The following WDPCP variants were observed in gnomAD, a reference collection of about 807,000 sequenced individuals.
WDPCP encodes the protein WD repeat containing planar cell polarity effector, also known as WD repeat-containing and planar cell polarity effector protein fritz homolog.
A neutral mutation model predicts 93.1 loss-of-function variants in WDPCP; 71 were observed. The ratio of observed to expected loss-of-function variants is 0.76; its 90% CI spans 0.63 to 0.93. The LOEUF (loss-of-function observed/expected upper bound fraction) is 0.93, where lower values mean the gene tolerates loss of function less well. WDPCP is among the 40% of genes least tolerant of loss of function. WDPCP has a pLI of 0.00. For synonymous variants in WDPCP, 315 were observed against 315.0 expected, an observed-to-expected ratio of 1.00 and a Z score of 0.00; for missense variants, 844 against 887.4, an observed-to-expected ratio of 0.95 and a Z score of 0.62.
chr2:63,672,970 C>A (rs1710362501), intron 2 of WDPCP, among the ~76,000 whole-genome samples: 1 of 152,092 alleles, frequency 6.6e-6, no homozygotes. Context: ...CCAGGTTGGT[C>A]TCTGACTCCT....
intron 1 of WDPCP, among the ~76,000 whole-genome samples, chr2:63,581,440 A>G (rs952918362): frequency 6.6e-6 from 1 of 152,204 alleles, no homozygotes; most frequent in African/African-American, 2.4e-5. Context: ...AGAAATGATT[A>G]CAGATAACAG....
intron 2 of WDPCP, among the ~76,000 whole-genome samples, chr2:63,661,124 A>G (rs113713541): frequency 3.5e-4 from 53 of 152,306 alleles, no homozygotes; most frequent in African/African-American, 1.1e-3. Flanking sequence ...ACAACACACA[A>G]TTATTATCTC....
At chr2:63,717,414 GT>G (rs1669354815) in intron 2 of WDPCP, 1 of 402,616 alleles carries the variant, frequency 2.5e-6, no homozygotes, top group Admixed American at 3.1e-5. Context: ...TAAGGTCATG[GT>G]ATCCCTGAAT....
chr2:63,650,669 G>A (rs1416164743), exon 3 of WDPCP: 1 of 152,182 alleles, frequency 6.6e-6, no homozygotes, highest in African/African-American at 2.4e-5. Context: ...TTCTTATAGT[G>A]ATCCTTGGGC....
At chr2:63,722,342 G>A (rs1218743337) in intron 2 of WDPCP, among the ~76,000 whole-genome samples, 8 of 149,348 alleles carry the variant, frequency 5.4e-5, no homozygotes, top group South Asian at 2.1e-4. Context: ...CTGCCCGGCC[G>A]CCCATCGTCT....
intron 17 of WDPCP, among the ~76,000 whole-genome samples, chr2:63,136,165 A>ACT (rs1172352574): frequency 1.3e-5 from 2 of 151,748 alleles, no homozygotes; most frequent in East Asian, 1.9e-4. Context: ...TACTTGAATT[A>ACT]CTCTCTCTCT....
intron 3 of WDPCP, chr2:63,594,610 T>C (rs1709267773): frequency 2.0e-6 from 3 of 1,491,644 alleles, no homozygotes; most frequent in Non-Finnish European, 2.8e-6. Context: ...TCTATAAATC[T>C]TAAGTTATTA....
chr2:63,607,484 C>T (rs892069374), intron 3 of WDPCP, among the ~76,000 whole-genome samples: 1 of 150,866 alleles, frequency 6.6e-6, no homozygotes, highest in East Asian at 2.0e-4. Flanking sequence ...TGCAGTGAGC[C>T]AAGATTGCGC....
At chr2:63,233,631 T>A (rs1200755591) in intron 14 of WDPCP, 1 of 153,976 alleles carries the variant, frequency 6.5e-6, no homozygotes, top group Non-Finnish European at 1.5e-5. Context: ...TTTTGGTATC[T>A]TCCTCTGAAT....
intron 1 of WDPCP, among the ~76,000 whole-genome samples, chr2:63,826,949 T>G (rs1262781715): frequency 6.6e-6 from 1 of 152,276 alleles, no homozygotes; most frequent in East Asian, 1.9e-4. Flanking sequence ...ACAAATCCAT[T>G]TGGTATTTAT....
intron 2 of WDPCP, among the ~76,000 whole-genome samples, chr2:63,758,777 T>C (rs976757920): frequency 4.6e-5 from 7 of 151,480 alleles, no homozygotes; most frequent in African/African-American, 1.7e-4. Flanking sequence ...CAGATTCTTT[T>C]TTTTTATTTT....
intron 2 of WDPCP, among the ~76,000 whole-genome samples, chr2:63,703,135 G>A (rs1262319931): frequency 6.6e-6 from 1 of 152,040 alleles, no homozygotes; most frequent in African/African-American, 2.4e-5. Flanking sequence ...TGGACATTTG[G>A]GTTGGTTCCA....
intron 6 of WDPCP, among the ~76,000 whole-genome samples, chr2:63,458,025 G>A (rs1698749494): frequency 6.6e-6 from 1 of 151,528 alleles, no homozygotes; most frequent in Non-Finnish European, 1.5e-5. Flanking sequence ...TTGGGAGGCT[G>A]AGGCAGGAGA....
intron 13 of WDPCP, among the ~76,000 whole-genome samples, chr2:63,282,100 C>T (rs1683602254): frequency 2.0e-5 from 3 of 152,018 alleles, no homozygotes; most frequent in Admixed American, 2.0e-4. Flanking sequence ...ATTATAGAAC[C>T]ACAAACAACT....
intron 10 of WDPCP, among the ~76,000 whole-genome samples, chr2:63,401,424 T>C (rs1694143546): frequency 6.6e-6 from 1 of 152,102 alleles, no homozygotes; most frequent in Non-Finnish European, 1.5e-5. Context: ...ATTAGAGAAA[T>C]GCAAATCAAA....
chr2:63,776,060 C>A (rs1485393135), intron 2 of WDPCP, among the ~76,000 whole-genome samples: 2 of 148,930 alleles, frequency 1.3e-5, no homozygotes, highest in Non-Finnish European at 3.0e-5. Flanking sequence ...TGAGACTCTG[C>A]CTATAAATAC....
rs1171698107 is a variant in WDPCP, at chr2:63,387,950, AAC to A, written c.1436-5858_1436-5857del. Among the ~76,000 whole-genome samples, 4 of 152,262 alleles carry A rather than the reference AAC, an allele frequency of 2.6e-5. No homozygotes were observed. In the East Asian group the frequency reaches 5.8e-4, roughly 22 times the overall value. On this transcript the variant is annotated intron_variant, in intron 10 of 17. Coordinates refer to ENST00000272321, the MANE Select transcript of WDPCP (RefSeq NM_015910.7). ...AAGATCTCTACAACAGGAATTACAA[AAC>A]ACTGCTCAAAGAAATCAGAGATGAC...
intron 2 of WDPCP, among the ~76,000 whole-genome samples, chr2:63,806,306 C>G (rs1558915204): frequency 6.6e-6 from 1 of 152,096 alleles, no homozygotes; most frequent in African/African-American, 2.4e-5. Flanking sequence ...CCGTGATGCC[C>G]CACAAGCCAC....
intron 6 of WDPCP, among the ~76,000 whole-genome samples, chr2:63,446,205 C>T (rs1263202878): frequency 2.0e-5 from 3 of 152,178 alleles, no homozygotes; most frequent in African/African-American, 7.2e-5. Context: ...TAACCAGTAC[C>T]CATCTGTGGC....
Sources: allele counts gnomAD v4.1 joint callset (sites outside exome capture counted in the v4.1 genomes callset), GRCh38; gene constraint gnomAD v4.1.1; transcripts MANE v1.5; gene names NCBI Gene and HGNC (gene_info 2026-07-23, HGNC 2026-07-21).